The following SHQ1 variants were observed in gnomAD, a reference collection of about 807,000 sequenced individuals.
SHQ1 encodes SHQ1, H/ACA ribonucleoprotein assembly factor.
A neutral mutation model predicts 53.8 loss-of-function variants in SHQ1; 49 were observed. The ratio of observed to expected loss-of-function variants is 0.91; its 90% CI spans 0.72 to 1.16. The LOEUF (loss-of-function observed/expected upper bound fraction) is 1.16, where lower values mean the gene tolerates loss of function less well. Among genes scored for constraint, SHQ1 ranks in the 50% most tolerant of loss-of-function variants. The pLI, the probability that SHQ1 is intolerant of heterozygous loss-of-function variation, is 0.00. For missense variants in SHQ1, 738 were observed against 683.1 expected, an observed-to-expected ratio of 1.08 and a Z score of -0.90; for synonymous variants, 243 against 251.0, an observed-to-expected ratio of 0.97 and a Z score of 0.30.
intron 1 of SHQ1, chr3:72,846,287 AACT>A: frequency 6.5e-7 from 1 of 1,532,026 alleles, no homozygotes; most frequent in Non-Finnish European, 8.7e-7. Context: ...TGGTATAGCA[AACT>A]GTATGTTCTT....
At chr3:72,832,608 T>C (rs1707858410) in intron 4 of SHQ1, 127 bp from the exon 5 acceptor site, 7 of 626,172 alleles carry the variant, frequency 1.1e-5, no homozygotes, top group South Asian at 4.1e-5. Context: ...ATGCCACCTG[T>C]GACATTTAGA....
chr3:72,780,233 A>G (rs1340858203), intron 10 of SHQ1, among the ~76,000 whole-genome samples: 7 of 152,200 alleles, frequency 4.6e-5, no homozygotes, highest in African/African-American at 1.4e-4. Flanking sequence ...AAGCTTCACA[A>G]CTAGAATTGT....
chr3:72,776,559 T>C (rs2106748832), intron 10 of SHQ1, among the ~76,000 whole-genome samples: 1 of 152,312 alleles, frequency 6.6e-6, no homozygotes, highest in East Asian at 1.9e-4. Context: ...GACTGTACTT[T>C]AAACAGGCAG....
chr3:72,768,553 C>A (rs1203737472), intron 10 of SHQ1, among the ~76,000 whole-genome samples: 1 of 152,186 alleles, frequency 6.6e-6, no homozygotes, highest in Non-Finnish European at 1.5e-5. Context: ...TTCTGTTGTC[C>A]TGCTGAGTGA....
chr3:72,842,450 T>G (rs760090489), intron 2 of SHQ1, 48 bp from the exon 3 acceptor site: 3 of 1,563,408 alleles, frequency 1.9e-6, no homozygotes, highest in Non-Finnish European at 2.6e-6. Flanking sequence ...TTTAAAAAGC[T>G]GGGCACAATA....
intron 10 of SHQ1, among the ~76,000 whole-genome samples, chr3:72,761,951 T>G (rs527617691): frequency 6.6e-6 from 1 of 152,244 alleles, no homozygotes; most frequent in South Asian, 2.1e-4. Flanking sequence ...AAGTCCTCCA[T>G]CAGAATGACT....
chr3:72,744,648 A>G, downstream of SHQ1, among the ~76,000 whole-genome samples: 1 of 152,170 alleles, frequency 6.6e-6, no homozygotes, highest in East Asian at 1.9e-4. Flanking sequence ...AGCTGCATTT[A>G]TCACTTGCTG....
In SHQ1 at chr3:72,844,371, C is replaced by T; in HGVS notation, c.196G>A (p.Asp66Asn). The change falls in exon 2 of 11, where the codon GAT (aspartate) becomes AAT (asparagine). Residue 66 changes from aspartate to asparagine, a missense_variant. By Grantham distance (23) the Asp-to-Asn change is conservative. Coordinates refer to ENST00000325599, the MANE Select transcript of SHQ1 (RefSeq NM_018130.3). ...VENGSEQGSY[D>N]ADKGIFTIRL... ...CCAAAGACAATACCTTTATCTGCAT[C>T]ATAGGACCCTTGCTCACTTCCATTT... 1 of 1,613,674 alleles carries T rather than the reference C, an allele frequency of 6.2e-7. No homozygotes were observed. Among genetic ancestry groups the T allele is most frequent in the Non-Finnish European group, 8.5e-7 (1 of 1,179,718 alleles).
At chr3:72,730,477 T>C in the SHQ1 span, among the ~76,000 whole-genome samples, 1 of 152,306 alleles carries the variant, frequency 6.6e-6, no homozygotes, top group Admixed American at 6.5e-5. Flanking sequence ...GGATACTTGA[T>C]ATATAATGTG....
intron 10 of SHQ1, among the ~76,000 whole-genome samples, chr3:72,751,508 G>GTGTATATATATATATATATATATATATA (rs1210782182): frequency 8.5e-6 from 1 of 116,984 alleles, no homozygotes; most frequent in African/African-American, 4.4e-5. Context: ...GTGTGTGTGT[G>GTGTATATATATATATATATATATATATA]TATATATATA....
At chr3:72,763,363 A>G (rs1022528972) in intron 10 of SHQ1, among the ~76,000 whole-genome samples, 1 of 152,240 alleles carries the variant, frequency 6.6e-6, no homozygotes, top group African/African-American at 2.4e-5. Context: ...AATGATGTAG[A>G]TTTTGACCTG....
At chr3:72,761,091 C>T (rs552133746) in intron 10 of SHQ1, among the ~76,000 whole-genome samples, 13 of 152,100 alleles carry the variant, frequency 8.5e-5, no homozygotes, top group Non-Finnish European at 1.3e-4. Context: ...TATTCATGAA[C>T]GCATTAATAT....
intron 10 of SHQ1, among the ~76,000 whole-genome samples, chr3:72,751,263 T>C (rs1052192491): frequency 5.9e-5 from 9 of 151,668 alleles, no homozygotes; most frequent in Non-Finnish European, 7.4e-5. Context: ...ATACAAAAAA[T>C]TAGCTGGGCA....
chr3:72,787,839 C>T (rs1706287457), intron 10 of SHQ1, among the ~76,000 whole-genome samples: 2 of 152,168 alleles, frequency 1.3e-5, no homozygotes, highest in Non-Finnish European at 2.9e-5. Flanking sequence ...CTCAGCCTGC[C>T]AAGTGCCTGG....
chr3:72,845,567 T>G (rs1708303768), intron 1 of SHQ1, among the ~76,000 whole-genome samples: 1 of 152,148 alleles, frequency 6.6e-6, no homozygotes, highest in Non-Finnish European at 1.5e-5. Flanking sequence ...CCACTGAGGC[T>G]CCAAAATAAT....
At chr3:72,759,067 T>C (rs995967312) in intron 10 of SHQ1, among the ~76,000 whole-genome samples, 1 of 152,246 alleles carries the variant, frequency 6.6e-6, no homozygotes, top group Non-Finnish European at 1.5e-5. Flanking sequence ...CACATGGCCA[T>C]CTTCACTCTG....
At position 72,781,946 on chromosome 3, in the gene SHQ1, G is replaced by GA. The variant is rs370873082; in HGVS notation, c.1181+10969dup. Among the ~76,000 whole-genome samples the GA allele has an allele frequency of 9.4e-3, 1,425 of 152,052 alleles. 15 individuals are homozygous for GA. Among genetic ancestry groups the GA allele is most frequent in the African/African-American group, 0.032 (1,331 of 41,460 alleles). On this transcript the variant is annotated intron_variant, in intron 10 of 10. Coordinates refer to ENST00000325599, the MANE Select transcript of SHQ1 (RefSeq NM_018130.3). Reference sequence around the variant, plus strand: ...AAAAGATTGTTTTATGTACTCCCTGGAAAAAGTGGACCTCCATAGGAAGCC... The same window carrying GA: ...AAAAGATTGTTTTATGTACTCCCTGGAAAAAAGTGGACCTCCATAGGAAGCC...
intron 10 of SHQ1, among the ~76,000 whole-genome samples, chr3:72,785,722 T>C (rs1402176519): frequency 6.6e-6 from 1 of 152,230 alleles, no homozygotes; most frequent in Non-Finnish European, 1.5e-5. Flanking sequence ...CATGTTCTCC[T>C]TGTCTACTCA....
intron 10 of SHQ1, among the ~76,000 whole-genome samples, chr3:72,781,884 A>T (rs886578819): frequency 2.0e-5 from 3 of 152,206 alleles, no homozygotes; most frequent in African/African-American, 7.2e-5. Context: ...AAAAATAATT[A>T]TAGGTAGAAG....
Sources: allele counts gnomAD v4.1 joint callset (sites outside exome capture counted in the v4.1 genomes callset), GRCh38; gene constraint gnomAD v4.1.1; transcripts MANE v1.5; gene names NCBI Gene and HGNC (gene_info 2026-07-23, HGNC 2026-07-21).